Variants in WDR35 observed in about 807,000 individuals in gnomAD.
WDR35 encodes WD repeat domain 35.
In WDR35, 118 loss-of-function variants were observed where a neutral mutation model predicts 158.3. The ratio of observed to expected loss-of-function variants is 0.75; its 90% CI spans 0.64 to 0.87. WDR35 has a LOEUF of 0.87. Among genes scored for constraint, WDR35 ranks in the 40% least tolerant of loss-of-function variants. The probability of loss-of-function intolerance (pLI) is 0.00; values close to 1 mark genes in which losing one functional copy is unlikely to be tolerated. For missense variants in WDR35, 1,263 were observed against 1,405.8 expected (o/e 0.90, Z 1.62); for synonymous variants, 448 against 476.1 (o/e 0.94, Z 0.77).
At chr2:19,983,618 T>C (rs1240994273) in intron 2 of WDR35, among the ~76,000 whole-genome samples, 1 of 152,234 alleles carries the variant, frequency 6.6e-6, no homozygotes, top group Non-Finnish European at 1.5e-5. Context: ...TTTGTGAGAA[T>C]GGGAATTATA....
At chr2:19,989,888 C>T in intron 1 of WDR35, 104 bp downstream of exon 1, 1 of 1,555,186 alleles carries the variant, frequency 6.4e-7, no homozygotes, top group Non-Finnish European at 8.7e-7. Flanking sequence ...GGCGAAGCCA[C>T]GACCAGGACC....
intron 8 of WDR35, among the ~76,000 whole-genome samples, chr2:19,970,224 A>G (rs1037035622): frequency 6.6e-6 from 1 of 152,222 alleles, no homozygotes; most frequent in Non-Finnish European, 1.5e-5. Context: ...GGCAACTTTG[A>G]TTATAAGATG....
At chr2:19,914,298 G>A in intron 25 of WDR35, 21 bp from the exon 26 acceptor site, 1 of 1,613,702 alleles carries the variant, frequency 6.2e-7, no homozygotes, top group South Asian at 1.1e-5. Context: ...CAGGGCAATT[G>A]GGGTTTTTTA....
intron 7 of WDR35, 33 bp downstream of exon 7, chr2:19,974,435 T>C (rs779713100): frequency 1.8e-5 from 27 of 1,536,482 alleles, no homozygotes; most frequent in Middle Eastern, 1.7e-4. Context: ...AAATAGAAAT[T>C]AAAAAAATTT....
chr2:19,952,274 A>G (rs1475093693), intron 12 of WDR35, among the ~76,000 whole-genome samples: 1 of 152,184 alleles, frequency 6.6e-6, no homozygotes, highest in Non-Finnish European at 1.5e-5. Context: ...CTTTAAGCTC[A>G]TGTGTCTGTT....
chr2:19,988,501 C>T (rs933877481), intron 2 of WDR35, among the ~76,000 whole-genome samples: 1 of 152,120 alleles, frequency 6.6e-6, no homozygotes, highest in African/African-American at 2.4e-5. Flanking sequence ...TGCAGTTTAA[C>T]CCCCTACATT....
chr2:19,932,327 G>C lies in WDR35; in HGVS notation c.2779C>G (p.Arg927Gly). The change falls in exon 23 of 27, where the codon CGG (arginine) becomes GGG (glycine). Residue 927 changes from arginine to glycine, a missense_variant. Arg to Gly is a moderately radical substitution (Grantham distance 125). Transcript: ENST00000281405. ...GCATCAAAAAAGTAATTGGCTTTCC[G>C]ATAGAGTTCTATGGCATCAAGAGTT... ...NKTLDAIELY[R>G]KANYFFDAAK... 6.2e-7 allele frequency: 1 copy of C among 1,613,216 alleles called. No homozygotes were observed. The highest frequency in any genetic ancestry group is 1.3e-5 in the African/African-American group (1 of 74,996).
intron 10 of WDR35, among the ~76,000 whole-genome samples, chr2:19,964,307 T>G (rs1040850759): frequency 3.9e-5 from 6 of 152,108 alleles, no homozygotes; most frequent in African/African-American, 7.2e-5. Context: ...AATTTTTTTT[T>G]CATACTTACT....
At chr2:19,936,510 G>T in intron 19 of WDR35, 145 bp from the exon 20 acceptor site, 1 of 1,181,916 alleles carries the variant, frequency 8.5e-7, no homozygotes. Context: ...AACTTAGCCT[G>T]ACTAGCTAAG....
At chr2:19,978,904 A>G in intron 4 of WDR35, 25 bp from the exon 5 acceptor site, 1 of 1,612,668 alleles carries the variant, frequency 6.2e-7, no homozygotes, top group East Asian at 2.2e-5. Flanking sequence ...TTAAAAAATT[A>G]CAAGTCAAAA....
At position 19,945,986 on chromosome 2, in the gene WDR35, T is replaced by C. The variant is rs1205850889; in HGVS notation, c.1645A>G (p.Ile549Val). The C allele has an allele frequency of 5.0e-6, 8 of 1,613,668 alleles. No individual in the cohort carries two copies. Among genetic ancestry groups the C allele is most frequent in the South Asian group, 4.4e-5 (4 of 91,056 alleles). Residue 549 changes from isoleucine to valine, a missense_variant, in exon 16 of 27, where the codon ATC becomes GTC. Physicochemically the swap from Ile to Val is conservative, Grantham distance 29. Coordinates refer to ENST00000281405, the MANE Select transcript of WDR35 (RefSeq NM_020779.4). The stretch of plus-strand genomic sequence containing the variant: ...GTCAGAACTCCTGAGATGTCTATGA[T>C]AGCAAGACGGCTAAAAACAATGCAA... Reference protein sequence around the residue: ...SLNCNSSRLAIIDISGVLTFF... With the variant: ...SLNCNSSRLAVIDISGVLTFF...
At chr2:19,948,716 C>T (rs10188179) in intron 13 of WDR35, among the ~76,000 whole-genome samples, 17,358 of 152,102 alleles carry the variant, frequency 0.11, 1,408 homozygotes, top group African/African-American at 0.25. Flanking sequence ...TGATTCTATC[C>T]ATAAAACATT....
Position 19,913,680 on chromosome 2 carries a change from C to T in WDR35, c.3391G>A (p.Ala1131Thr), listed in dbSNP as rs1176580698. The T allele has an allele frequency of 1.2e-6, 2 of 1,613,960 alleles. No homozygotes were observed. The highest frequency in any genetic ancestry group is 2.2e-5 in the East Asian group (1 of 44,874). ...GGEGKLPTCV[A>T]TGSPITEYQF... is the part of the protein sequence containing the mutation. ...TACTCAGTGATTGGGCTTCCTGTGG[C>T]AACGCATGTTGGCAGTTTCCCTTCT... The change falls in exon 27 of 27, where the codon GCC becomes ACC. Residue 1131 changes from alanine to threonine, a missense_variant. By Grantham distance (58) the Ala-to-Thr change is moderately conservative. Coordinates refer to ENST00000281405, the MANE Select transcript of WDR35 (RefSeq NM_020779.4).
Position 19,987,755 on chromosome 2 carries a change from C to T in WDR35, c.142+1410G>A, listed in dbSNP as rs191211881. On this transcript the variant is annotated intron_variant, in intron 2 of 26. Coordinates refer to ENST00000281405, the MANE Select transcript of WDR35 (RefSeq NM_020779.4). The stretch of plus-strand genomic sequence containing the variant: ...AGGAGAATGGCATGAACCCAGGAGG[C>T]GGAGCTTGCAATGAGCCGAGATCCA... Among the ~76,000 whole-genome samples the T allele has an allele frequency of 9.5e-5, 13 of 137,446 alleles. No homozygotes were observed. In the East Asian group the frequency reaches 2.6e-3, roughly 27 times the overall value. The allele number at this position is 137,446 out of a possible 152,430, so 90.2% of individuals were successfully genotyped here. A position where few individuals can be genotyped will look rare whatever the true frequency, so the allele number is the denominator to read the frequency against.
At chr2:19,930,289 G>A in intron 25 of WDR35, 107 bp downstream of exon 25, 1 of 1,521,608 alleles carries the variant, frequency 6.6e-7, no homozygotes, top group Non-Finnish European at 9.0e-7. Context: ...TAAATCCATA[G>A]GAAAAAATGT....
chr2:19,968,225 A>G (rs888943441), intron 9 of WDR35, among the ~76,000 whole-genome samples: 1 of 152,200 alleles, frequency 6.6e-6, no homozygotes, highest in Admixed American at 6.5e-5. Context: ...ATTCCTAATG[A>G]TGTTAACCTT....
At chr2:19,940,534 T>C (rs558359658) in intron 17 of WDR35, among the ~76,000 whole-genome samples, 6 of 152,318 alleles carry the variant, frequency 3.9e-5, no homozygotes, top group Admixed American at 6.5e-5. Context: ...AAGAGTCAGA[T>C]AGTCAAATCT....
At chr2:19,931,884 A>G (rs2103397813) in intron 23 of WDR35, among the ~76,000 whole-genome samples, 1 of 152,280 alleles carries the variant, frequency 6.6e-6, no homozygotes, top group South Asian at 2.1e-4. Flanking sequence ...ATGTGTATAC[A>G]TTAATACTGT....
intron 25 of WDR35, among the ~76,000 whole-genome samples, chr2:19,927,987 G>T (rs183736120): frequency 6.6e-5 from 10 of 152,298 alleles, no homozygotes; most frequent in South Asian, 2.1e-4. Flanking sequence ...GCAAATCAAA[G>T]AAGGGGGACA....
Sources: allele counts gnomAD v4.1 joint callset (sites outside exome capture counted in the v4.1 genomes callset), GRCh38; gene constraint gnomAD v4.1.1; transcripts MANE v1.5; gene names NCBI Gene and HGNC (gene_info 2026-07-23, HGNC 2026-07-21).